Variants in TNKS2 observed in about 807,000 individuals in gnomAD.
TNKS2 encodes the protein tankyrase 2.
Under a neutral mutation model 137.6 loss-of-function variants are expected in TNKS2, and 72 were observed. That is an observed-to-expected ratio of 0.52 (90% CI 0.43 to 0.64). The LOEUF (loss-of-function observed/expected upper bound fraction) is 0.64, where lower values mean the gene tolerates loss of function less well. Ranked by LOEUF, TNKS2 falls within the 30% of genes least tolerant of loss-of-function variation. The pLI is 0.00. For synonymous variants in TNKS2, 516 were observed against 512.1 expected, an observed-to-expected ratio of 1.01 and a Z score of -0.10; for missense variants, 1,049 against 1,410.2, an observed-to-expected ratio of 0.74 and a Z score of 4.10.
At chr10:91,817,608 G>A (rs142945428) in intron 3 of TNKS2, among the ~76,000 whole-genome samples, 39 of 152,040 alleles carry the variant, frequency 2.6e-4, no homozygotes, top group African/African-American at 9.2e-4. Flanking sequence ...CTGGTCTTAA[G>A]CATTTCAGAT....
At chr10:91,811,693 T>C (rs924881577) in intron 1 of TNKS2, among the ~76,000 whole-genome samples, 9 of 152,114 alleles carry the variant, frequency 5.9e-5, no homozygotes, top group African/African-American at 2.2e-4. Context: ...AGAAAGACTG[T>C]ACCATTACTT....
intron 13 of TNKS2, among the ~76,000 whole-genome samples, chr10:91,838,958 C>T (rs1035723898): frequency 1.3e-5 from 2 of 152,206 alleles, no homozygotes; most frequent in African/African-American, 2.4e-5. Flanking sequence ...ACCTCCACCT[C>T]CCGGGTTCAA....
chr10:91,830,043 C>G (rs1446351138), intron 9 of TNKS2, among the ~76,000 whole-genome samples: 3 of 152,138 alleles, frequency 2.0e-5, no homozygotes, highest in Admixed American at 1.3e-4. Context: ...GATAGAGATG[C>G]TGCAGCCTGA....
intron 6 of TNKS2, 71 bp from the exon 7 acceptor site, chr10:91,822,225 T>C: frequency 3.3e-6 from 4 of 1,220,040 alleles, no homozygotes; most frequent in South Asian, 3.0e-5. Context: ...TAAATAAATT[T>C]TAATTTATAA....
chr10:91,815,948 C>CTTT (rs10691725), intron 2 of TNKS2, among the ~76,000 whole-genome samples: 22,910 of 125,028 alleles, frequency 0.18, 2,617 homozygotes, highest in Middle Eastern at 0.27. Context: ...AAGACTTTCT[C>CTTT]TTTTTTTTTT....
chr10:91,851,389 A>AC, intron 21 of TNKS2, 53 bp downstream of exon 21: 1 of 1,576,792 alleles, frequency 6.3e-7, no homozygotes, highest in Non-Finnish European at 8.6e-7. Flanking sequence ...CATAAAGGCA[A>AC]CCCTCAGTGT....
At chr10:91,835,770 C>T (rs996098302) in intron 12 of TNKS2, among the ~76,000 whole-genome samples, 5 of 150,722 alleles carry the variant, frequency 3.3e-5, no homozygotes, top group African/African-American at 1.2e-4. Flanking sequence ...TGAGAGTGCG[C>T]CTAACTTTTG....
intron 24 of TNKS2, among the ~76,000 whole-genome samples, chr10:91,859,039 A>G (rs945365654): frequency 2.0e-5 from 3 of 152,106 alleles, no homozygotes; most frequent in Non-Finnish European, 4.4e-5. Flanking sequence ...AGAATGTGAA[A>G]GTCTACTTGG....
rs560605541 is a variant in TNKS2, at chr10:91,862,876, A to G, written c.3439-61A>G. 345 of 1,191,814 alleles carry G rather than the reference A, an allele frequency of 2.9e-4. 1 individual carries two copies. The highest frequency in any genetic ancestry group is 6.7e-4 in the South Asian group (51 of 76,262). 73.8% of individuals were successfully genotyped at this position (1,191,814 alleles called of 1,614,324 possible). A position where few individuals can be genotyped will look rare whatever the true frequency, so the allele number is the denominator to read the frequency against. ...CCTAAGATTAGGAATACTTCCGGAA[A>G]GTCTGTTTATCTTTCAAGAAAATTT... On this transcript the variant is annotated intron_variant, in intron 26 of 26. Coordinates refer to ENST00000371627, the MANE Select transcript of TNKS2 (RefSeq NM_025235.4).
intron 1 of TNKS2, among the ~76,000 whole-genome samples, chr10:91,800,625 C>G (rs1437299722): frequency 6.6e-6 from 1 of 152,014 alleles, no homozygotes; most frequent in Non-Finnish European, 1.5e-5. Context: ...GGAAACCAAC[C>G]CACCCCTCAC....
At chr10:91,810,916 TTTTC>T (rs1445965802) in intron 1 of TNKS2, among the ~76,000 whole-genome samples, 1,505 of 104,846 alleles carry the variant, frequency 0.014, 91 homozygotes, top group African/African-American at 0.06. Flanking sequence ...CTCTCTTTTC[TTTTC>T]TTTTTTTTTT....
chr10:91,810,382 A>G (rs1188396633), intron 1 of TNKS2, among the ~76,000 whole-genome samples: 1 of 118,854 alleles, frequency 8.4e-6, no homozygotes, highest in African/African-American at 3.0e-5. Flanking sequence ...TGTCTCAAAA[A>G]ACAAAACAAC....
intron 11 of TNKS2, 37 bp from the exon 12 acceptor site, chr10:91,833,816 A>G (rs200929816): frequency 1.5e-3 from 2,195 of 1,508,866 alleles, no homozygotes; most frequent in Non-Finnish European, 1.6e-3. Context: ...TAAATTTTGC[A>G]TTGCGGGCTA....
chr10:91,816,494 T>A (rs1844702314), intron 2 of TNKS2, among the ~76,000 whole-genome samples: 1 of 152,194 alleles, frequency 6.6e-6, no homozygotes, highest in Non-Finnish European at 1.5e-5. Context: ...TTAGACTCTT[T>A]ACCTTGCACC....
At chr10:91,848,339 T>G (rs751521604) in intron 18 of TNKS2, 44 bp from the exon 19 acceptor site, 5 of 1,581,732 alleles carry the variant, frequency 3.2e-6, no homozygotes, top group Non-Finnish European at 4.3e-6. Flanking sequence ...AATAGCATTT[T>G]AAAACTTGCT....
intron 11 of TNKS2, among the ~76,000 whole-genome samples, chr10:91,831,682 G>C (rs1054255877): frequency 2.0e-5 from 3 of 152,114 alleles, no homozygotes; most frequent in South Asian, 2.1e-4. Flanking sequence ...TCTTTAGTTG[G>C]CATTTGTGCA....
intron 19 of TNKS2, among the ~76,000 whole-genome samples, chr10:91,848,999 G>T (rs545740590): frequency 2.0e-5 from 3 of 152,140 alleles, no homozygotes; most frequent in Non-Finnish European, 4.4e-5. Flanking sequence ...ACCATGCCCG[G>T]CTAATTTTTG....
chr10:91,816,686 C>T (rs1365084097), intron 2 of TNKS2, among the ~76,000 whole-genome samples: 9 of 147,782 alleles, frequency 6.1e-5, no homozygotes, highest in Non-Finnish European at 1.3e-4. Flanking sequence ...GTGTGATTTT[C>T]TTTTTTTTTT....
rs772199318 is a variant in TNKS2 at position 91,844,951 on chromosome 10, T to C, written c.2092T>C (p.Leu698=). The C allele has an allele frequency of 1.3e-5, 21 of 1,612,778 alleles. No homozygotes were observed. The highest frequency in any genetic ancestry group is 1.7e-5 in the Non-Finnish European group (20 of 1,179,420). The change falls in exon 17 of 27, where the codon TTG becomes CTG. Residue 698 remains leucine, a synonymous_variant. Coordinates refer to ENST00000371627, the MANE Select transcript of TNKS2 (RefSeq NM_025235.4). ...GYNNLEVAEY[L]LQHGADVNAQ... is the part of the protein sequence containing the mutation. ...TAATAATTTAGAAGTTGCAGAGTAT[T>C]TGTTACAACACGGAGCTGATGTGAA...
Sources: gnomAD v4.1 joint callset for allele counts (sites outside exome capture counted in the v4.1 genomes callset) on GRCh38, gnomAD v4.1.1 for gene constraint, MANE v1.5 for transcripts, NCBI Gene and HGNC (gene_info 2026-07-23, HGNC 2026-07-21) for gene names.